Variants in PDLIM5 observed in about 807,000 individuals in gnomAD.
The protein encoded by PDLIM5 is PDZ and LIM domain 5.
Under a neutral mutation model 64.2 loss-of-function variants are expected in PDLIM5, and 34 were observed. The observed-to-expected ratio is 0.53, with a 90% CI of 0.40 to 0.71. The LOEUF is 0.71. PDLIM5 is among the 30% of genes least tolerant of loss of function. The probability of loss-of-function intolerance (pLI) is 0.00; values close to 1 mark genes in which losing one functional copy is unlikely to be tolerated. For missense variants in PDLIM5, 683 were observed against 733.6 expected (o/e 0.93, Z 0.80); for synonymous variants, 253 against 269.1 (o/e 0.94, Z 0.59).
At chr4:94,493,282 T>C (rs1319413202) in intron 2 of PDLIM5, among the ~76,000 whole-genome samples, 3 of 152,104 alleles carry the variant, frequency 2.0e-5, no homozygotes, top group Non-Finnish European at 4.4e-5. Context: ...ATGATTTTCT[T>C]TCATTCTGTG....
At chr4:94,452,559 C>G (rs920926317) in intron 1 of PDLIM5, among the ~76,000 whole-genome samples, 1 of 152,220 alleles carries the variant, frequency 6.6e-6, no homozygotes, top group African/African-American at 2.4e-5. Flanking sequence ...TCTGCGCGTC[C>G]AGAAATAAAG....
intron 2 of PDLIM5, among the ~76,000 whole-genome samples, chr4:94,485,688 A>C (rs1031794028): frequency 2.0e-4 from 30 of 150,950 alleles, no homozygotes; most frequent in South Asian, 1.1e-3. Flanking sequence ...AAAAAAAAAA[A>C]CCCCAAAAAC....
At chr4:94,489,357 G>A (rs1040700893) in intron 2 of PDLIM5, among the ~76,000 whole-genome samples, 12 of 152,006 alleles carry the variant, frequency 7.9e-5, no homozygotes, top group African/African-American at 2.7e-4. Context: ...GCATATACAT[G>A]TATATTATAC....
chr4:94,504,677 G>C (rs1728236840), intron 2 of PDLIM5, among the ~76,000 whole-genome samples: 1 of 152,130 alleles, frequency 6.6e-6, no homozygotes. Flanking sequence ...CCAGTAACTT[G>C]TTAAATACAT....
chr4:94,601,390 G>A (rs1040399295), intron 7 of PDLIM5, among the ~76,000 whole-genome samples: 7 of 152,140 alleles, frequency 4.6e-5, no homozygotes, highest in African/African-American at 1.7e-4. Flanking sequence ...CACATAGGGC[G>A]TTAGGATTTT....
chr4:94,586,957 C>CTTTTTTTTTTTTTTTTTTTTTTATTTTT, intron 7 of PDLIM5: 1 of 1,195,090 alleles, frequency 8.4e-7, no homozygotes, highest in Non-Finnish European at 1.1e-6. Context: ...TTCTATCACT[C>CTTTTTTTTTTTTTTTTTTTTTTATTTTT]TTTTTTTTTT....
At chr4:94,570,488 A>G (rs1459574020) in intron 3 of PDLIM5, among the ~76,000 whole-genome samples, 3 of 152,250 alleles carry the variant, frequency 2.0e-5, no homozygotes, top group Non-Finnish European at 2.9e-5. Context: ...ATGCTGATAT[A>G]TAACTATTTT....
At chr4:94,646,873 C>T (rs890629010) in intron 9 of PDLIM5, among the ~76,000 whole-genome samples, 4 of 152,128 alleles carry the variant, frequency 2.6e-5, no homozygotes, top group Non-Finnish European at 1.5e-5. Flanking sequence ...CTTTTAAATT[C>T]ATCACTACTA....
At chr4:94,568,286 A>G (rs1274589603) in intron 3 of PDLIM5, among the ~76,000 whole-genome samples, 2 of 152,220 alleles carry the variant, frequency 1.3e-5, no homozygotes, top group Admixed American at 1.3e-4. Flanking sequence ...CTACAGTGAC[A>G]GAGCTGAATA....
At chr4:94,456,578 G>T (rs1723392273) in intron 2 of PDLIM5, 2 of 729,348 alleles carry the variant, frequency 2.7e-6, no homozygotes, top group Non-Finnish European at 2.4e-6. Context: ...AGGTATGTGT[G>T]TTTTTTTAAA....
chr4:94,637,957 A>G (rs114330310), intron 8 of PDLIM5, among the ~76,000 whole-genome samples: 210 of 152,194 alleles, frequency 1.4e-3, no homozygotes, highest in Middle Eastern at 6.8e-3. Context: ...AGAAAGAAAC[A>G]TTTTCTATGA....
intron 8 of PDLIM5, among the ~76,000 whole-genome samples, chr4:94,627,170 C>T (rs957509242): frequency 3.3e-5 from 5 of 152,184 alleles, no homozygotes; most frequent in African/African-American, 1.2e-4. Context: ...GCCCTCTTGC[C>T]GTAAAGCCCT....
Position 94,528,506 on chromosome 4 carries a change from G to GT in PDLIM5, c.248+4640dup, listed in dbSNP as rs369895319. ...AAGACTCTTTAAGAGCAAAAACCAT[G>GT]TTTTTTTTTACTCTATTTGTATTTG... On this transcript the variant is annotated intron_variant, in intron 3 of 12. Coordinates refer to ENST00000317968, the MANE Select transcript of PDLIM5 (RefSeq NM_006457.5). Among the ~76,000 whole-genome samples, 62 of 151,360 alleles carry GT rather than the reference G, an allele frequency of 4.1e-4. 1 individual carries two copies. Among genetic ancestry groups the GT allele is most frequent in the East Asian group, 1.6e-3 (8 of 5,142 alleles).
intron 8 of PDLIM5, among the ~76,000 whole-genome samples, chr4:94,626,158 G>A (rs1311023886): frequency 1.3e-5 from 2 of 152,086 alleles, no homozygotes; most frequent in Non-Finnish European, 2.9e-5. Context: ...CCCCATCTGA[G>A]GAGTTTTCAC....
chr4:94,583,840 C>T (rs1735943851), intron 5 of PDLIM5, among the ~76,000 whole-genome samples: 1 of 152,088 alleles, frequency 6.6e-6, no homozygotes, highest in Non-Finnish European at 1.5e-5. Flanking sequence ...TGATCATTAC[C>T]TCATGTTATG....
intron 3 of PDLIM5, among the ~76,000 whole-genome samples, chr4:94,526,377 A>T (rs1730353998): frequency 6.6e-6 from 1 of 152,196 alleles, no homozygotes; most frequent in Non-Finnish European, 1.5e-5. Context: ...ACTTGTTATA[A>T]ACATTTGAGT....
chr4:94,584,875 C>A, intron 5 of PDLIM5: 2 of 685,246 alleles, frequency 2.9e-6, no homozygotes, highest in Non-Finnish European at 5.1e-6. Context: ...TTGATTTTGA[C>A]TACTATGGAC....
intron 2 of PDLIM5, among the ~76,000 whole-genome samples, chr4:94,487,638 A>G (rs1310310102): frequency 6.6e-6 from 1 of 152,188 alleles, no homozygotes; most frequent in African/African-American, 2.4e-5. Flanking sequence ...CTCCCTGTAA[A>G]ATATTCATTA....
chr4:94,565,682 A>G (rs981975263), intron 3 of PDLIM5, among the ~76,000 whole-genome samples: 5 of 152,226 alleles, frequency 3.3e-5, no homozygotes, highest in Admixed American at 3.3e-4. Flanking sequence ...CTGCTGAAAA[A>G]TGAAATTATT....
Sources: gnomAD v4.1 joint callset for allele counts (sites outside exome capture counted in the v4.1 genomes callset) on GRCh38, gnomAD v4.1.1 for gene constraint, MANE v1.5 for transcripts, NCBI Gene and HGNC (gene_info 2026-07-23, HGNC 2026-07-21) for gene names.